The following ATP10B variants were observed in gnomAD, a reference collection of about 807,000 sequenced individuals.
ATP10B encodes ATPase phospholipid transporting 10B (putative).
Under a neutral mutation model 141.2 loss-of-function variants are expected in ATP10B, and 122 were observed. That is an observed-to-expected ratio of 0.86 (90% CI 0.75 to 1.00). ATP10B has a LOEUF of 1.00. ATP10B is among the 50% of genes least tolerant of loss of function. The pLI is 0.00. For missense variants in ATP10B, 1,876 were observed against 1,825.3 expected, an observed-to-expected ratio of 1.03 and a Z score of -0.51; for synonymous variants, 685 against 692.0, an observed-to-expected ratio of 0.99 and a Z score of 0.16.
intron 1 of ATP10B, among the ~76,000 whole-genome samples, chr5:160,828,421 G>C (rs1338097692): frequency 6.6e-6 from 1 of 152,102 alleles, no homozygotes; most frequent in African/African-American, 2.4e-5. Context: ...CCTCTCAAAA[G>C]AAGACATTGA....
chr5:160,815,391 A>C (rs1773529823), intron 1 of ATP10B, among the ~76,000 whole-genome samples: 1 of 152,236 alleles, frequency 6.6e-6, no homozygotes, highest in Non-Finnish European at 1.5e-5. Flanking sequence ...AGAGAAAAAG[A>C]AGCCCATTAC....
At chr5:160,743,721 C>G (rs1767628098) in intron 2 of ATP10B, among the ~76,000 whole-genome samples, 1 of 152,164 alleles carries the variant, frequency 6.6e-6, no homozygotes, top group Non-Finnish European at 1.5e-5. Context: ...TTATCTTTGA[C>G]TATAAGGGAT....
chr5:160,573,778 C>A (rs1286980568), intron 24 of ATP10B, among the ~76,000 whole-genome samples: 1 of 152,072 alleles, frequency 6.6e-6, no homozygotes, highest in African/African-American at 2.4e-5. Flanking sequence ...GGTTGGGGAC[C>A]ACTGCTTTAA....
In ATP10B at chr5:160,613,471, G is replaced by A. The variant is rs115018374; in HGVS notation, c.2654-546C>T. The stretch of plus-strand genomic sequence containing the variant: ...AGTGAAAGTTATTCAAGGGTGTTGT[G>A]CTGGGGAGTGATAGAATCAGTTTTG... On this transcript the variant is annotated intron_variant, in intron 17 of 25. Transcript: ENST00000327245. Among the ~76,000 whole-genome samples the A allele has an allele frequency of 4.7e-3, 719 of 152,324 alleles. 3 individuals are homozygous for A. Among genetic ancestry groups the A allele is most frequent in the Non-Finnish European group, 7.8e-3 (532 of 68,030 alleles).
intron 2 of ATP10B, among the ~76,000 whole-genome samples, chr5:160,774,659 T>C (rs1770154355): frequency 6.6e-6 from 1 of 152,202 alleles, no homozygotes; most frequent in African/African-American, 2.4e-5. Flanking sequence ...CACGAAGGAC[T>C]TATTGCTTTA....
At chr5:160,809,948 A>G (rs1166708368) in intron 1 of ATP10B, among the ~76,000 whole-genome samples, 1 of 152,186 alleles carries the variant, frequency 6.6e-6, no homozygotes, top group Non-Finnish European at 1.5e-5. Context: ...CTTGAATCAA[A>G]TGTGATAAAT....
chr5:160,886,430 C>G, the ATP10B span, among the ~76,000 whole-genome samples: 2 of 152,066 alleles, frequency 1.3e-5, no homozygotes, highest in Admixed American at 6.6e-5. Context: ...TTTTGAGGCC[C>G]TGGATAGCTT....
chr5:160,655,289 T>G (rs1761406985), intron 7 of ATP10B, among the ~76,000 whole-genome samples: 1 of 143,496 alleles, frequency 7.0e-6, no homozygotes, highest in Admixed American at 6.9e-5. Flanking sequence ...AGCATTTAAA[T>G]TTTTTTTTTT....
At chr5:160,885,484 C>T in the ATP10B span, among the ~76,000 whole-genome samples, 1 of 152,330 alleles carries the variant, frequency 6.6e-6, no homozygotes, top group South Asian at 2.1e-4. Context: ...AGGAAGACAC[C>T]TTGGCAAAAC....
intron 6 of ATP10B, among the ~76,000 whole-genome samples, chr5:160,676,671 GT>G (rs775073790): frequency 8.5e-5 from 13 of 152,254 alleles, no homozygotes; most frequent in Non-Finnish European, 1.6e-4. Context: ...TAGAAAGGCA[GT>G]TTTTCCTAAC....
chr5:160,747,402 C>T (rs148498047), intron 2 of ATP10B, among the ~76,000 whole-genome samples: 257 of 152,246 alleles, frequency 1.7e-3, no homozygotes, highest in Non-Finnish European at 2.9e-3. Context: ...ATGTTGAGGT[C>T]GCAATCCTCA....
chr5:160,858,061 T>A, the ATP10B span, among the ~76,000 whole-genome samples: 2 of 152,074 alleles, frequency 1.3e-5, no homozygotes, highest in African/African-American at 4.8e-5. Flanking sequence ...TTTTATTTTT[T>A]AAAAATCAAT....
At chr5:160,767,267 C>CAAA (rs1769520192) in intron 2 of ATP10B, among the ~76,000 whole-genome samples, 1 of 152,150 alleles carries the variant, frequency 6.6e-6, no homozygotes, top group Admixed American at 6.5e-5. Flanking sequence ...CCCCATGTCA[C>CAAA]TTGAGCAATC....
the ATP10B span, among the ~76,000 whole-genome samples, chr5:160,905,710 G>T: frequency 7.8e-5 from 11 of 140,768 alleles, no homozygotes; most frequent in East Asian, 2.3e-3. Flanking sequence ...TGTTAGCTAG[G>T]ATTGCTATTA....
At chr5:160,764,778 C>T (rs1769285837) in intron 2 of ATP10B, among the ~76,000 whole-genome samples, 1 of 152,064 alleles carries the variant, frequency 6.6e-6, no homozygotes, top group Admixed American at 6.6e-5. Context: ...CAAGCTGTTG[C>T]TGTTTGCTGA....
intron 7 of ATP10B, among the ~76,000 whole-genome samples, chr5:160,657,995 A>C (rs1033195893): frequency 2.0e-5 from 3 of 152,222 alleles, no homozygotes; most frequent in African/African-American, 7.2e-5. Context: ...GATAACTGAA[A>C]CACAAGAAGA....
At chr5:160,773,025 G>A (rs1314566831) in intron 2 of ATP10B, among the ~76,000 whole-genome samples, 11 of 151,930 alleles carry the variant, frequency 7.2e-5, no homozygotes, top group Admixed American at 2.6e-4. Flanking sequence ...TCAGCAAGGC[G>A]GCTATTTGAC....
In ATP10B at chr5:160,820,540, G is replaced by GGT. The variant is rs1303829403; in HGVS notation, c.-576+31400_-576+31401insAC. ...GAAGAAATACTTCCAAACTCATTCT[G>GGT]TGAAGCCAGTATTACTCTGATACCA... On this transcript the variant is annotated intron_variant, in intron 1 of 25. Transcript: ENST00000327245. 7.0e-3 allele frequency among the ~76,000 whole-genome samples: 1,062 copies of GGT among 152,158 alleles called. 16 individuals are homozygous for GGT. The highest frequency in any genetic ancestry group is 0.024 in the African/African-American group (1,001 of 41,534).
At chr5:160,655,255 T>A (rs1323133007) in intron 7 of ATP10B, among the ~76,000 whole-genome samples, 1 of 152,146 alleles carries the variant, frequency 6.6e-6, no homozygotes, top group East Asian at 1.9e-4. Flanking sequence ...CTAGAAGACA[T>A]TTTTTTGATA....
Sources: allele counts gnomAD v4.1 joint callset (sites outside exome capture counted in the v4.1 genomes callset), GRCh38; gene constraint gnomAD v4.1.1; transcripts MANE v1.5; gene names NCBI Gene and HGNC (gene_info 2026-07-23, HGNC 2026-07-21).